PLAC1: variants seen among roughly 807,000 people sequenced by gnomAD.
PLAC1 encodes placenta-specific protein 1.
For synonymous variants in PLAC1, 68 were observed against 62.1 expected, an observed-to-expected ratio of 1.09 and a Z score of -0.44; for missense variants, 136 against 163.2, an observed-to-expected ratio of 0.83 and a Z score of 0.91.
intron 2 of PLAC1, among the ~76,000 whole-genome samples, chrX:134,570,311 G>A (rs1310486330): frequency 9.0e-6 from 1 of 111,522 alleles, no homozygotes; most frequent in Non-Finnish European, 1.9e-5. Flanking sequence ...ATGGGAAGGA[G>A]ATGCCAGAAG....
chrX:134,733,778 C>CAGA (rs2078695595), intron 1 of PLAC1: 1 of 110,665 alleles, frequency 9.0e-6, no homozygotes. Flanking sequence ...CTGGTTTGAA[C>CAGA]AGAAGGCTCA....
intron 2 of PLAC1, among the ~76,000 whole-genome samples, chrX:134,706,235 G>A (rs760608763): frequency 1.6e-4 from 18 of 112,956 alleles, no homozygotes; most frequent in Non-Finnish European, 3.2e-4. Flanking sequence ...AAGGCTGAGT[G>A]GGGAGGCTGA....
chrX:134,647,054 G>C (rs1265383576), intron 1 of PLAC1, among the ~76,000 whole-genome samples: 1 of 112,111 alleles, frequency 8.9e-6, no homozygotes, highest in Non-Finnish European at 1.9e-5. Flanking sequence ...TGGGGCCAAA[G>C]GGAGGTTGCT....
At chrX:134,761,595 G>T (rs987111048) in intron 1 of PLAC1, among the ~76,000 whole-genome samples, 3 of 112,081 alleles carry the variant, frequency 2.7e-5, no homozygotes, top group African/African-American at 6.5e-5. Context: ...CCAGAAGCTG[G>T]TAACACTGGT....
Position 134,566,759 on chromosome X carries a change from C to G in PLAC1, c.-58-19G>C. 1.3e-6 allele frequency: 1 copy of G among 779,742 alleles called. No homozygotes were observed. The allele number at this position is 779,742 out of a possible 1,213,427, so 64.3% of individuals were successfully genotyped here. A position where few individuals can be genotyped will look rare whatever the true frequency, so the allele number is the denominator to read the frequency against. On this transcript the variant is annotated intron_variant, in intron 2 of 2. Coordinates refer to ENST00000359237, the MANE Select transcript of PLAC1 (RefSeq NM_021796.4). Reference sequence around the variant, plus strand: ...AGGATTTCTAGAGCACAAAAAAACACAAGAGGCAAGTCATCTTATTTTCTA... The same window carrying G: ...AGGATTTCTAGAGCACAAAAAAACAGAAGAGGCAAGTCATCTTATTTTCTA...
At chrX:134,647,379 T>C (rs1346626819) in intron 1 of PLAC1, among the ~76,000 whole-genome samples, 2 of 108,761 alleles carry the variant, frequency 1.8e-5, no homozygotes, top group African/African-American at 3.4e-5. Context: ...GAGGGAATGT[T>C]GTGGTCTTCT....
intron 1 of PLAC1, among the ~76,000 whole-genome samples, chrX:134,641,076 C>T (rs1330316801): frequency 9.0e-6 from 1 of 111,526 alleles, no homozygotes; most frequent in Non-Finnish European, 1.9e-5. Context: ...GAGACCCCAT[C>T]TCTCCAAAAT....
At chrX:134,574,411 C>A (rs765403121) in intron 2 of PLAC1, among the ~76,000 whole-genome samples, 6 of 112,305 alleles carry the variant, frequency 5.3e-5, no homozygotes, top group Non-Finnish European at 1.1e-4. Flanking sequence ...TGGCTAACCC[C>A]TTCCCCCACT....
intron 1 of PLAC1, among the ~76,000 whole-genome samples, chrX:134,622,301 C>T (rs1346592270): frequency 8.9e-6 from 1 of 111,958 alleles, no homozygotes; most frequent in Non-Finnish European, 1.9e-5. Context: ...CCTGACTGAT[C>T]AGAAGGGTTC....
chrX:134,594,118 G>T (rs1278005966), intron 2 of PLAC1, among the ~76,000 whole-genome samples: 1 of 111,327 alleles, frequency 9.0e-6, no homozygotes, highest in Admixed American at 9.6e-5. Flanking sequence ...ATCATGAATG[G>T]ATGCTGAATT....
intron 1 of PLAC1, among the ~76,000 whole-genome samples, chrX:134,642,232 AG>A (rs2078310817): frequency 8.9e-6 from 1 of 112,038 alleles, no homozygotes; most frequent in Non-Finnish European, 1.9e-5. Context: ...ACACATTTGA[AG>A]GGATTTGATT....
chrX:134,696,931 C>T (rs375196703), intron 2 of PLAC1, among the ~76,000 whole-genome samples: 18 of 108,008 alleles, frequency 1.7e-4, no homozygotes, highest in African/African-American at 6.1e-4. Context: ...ACTCGGGAGG[C>T]TGACACAGGA....
At chrX:134,626,880 T>G (rs890500037) in intron 1 of PLAC1, among the ~76,000 whole-genome samples, 1 of 111,987 alleles carries the variant, frequency 8.9e-6, no homozygotes, top group African/African-American at 3.2e-5. Flanking sequence ...AAAATTGCCC[T>G]GTATTCAGTT....
In PLAC1 at chrX:134,649,754, G is replaced by A. The variant is rs150195146; in HGVS notation, c.-131+8574C>T. ...CAAACATGTGTTAAATAACATGGCA[G>A]ATAAGAAGTGCTGGGCCTCAGAAAA... On this transcript the variant is annotated intron_variant, in intron 1 of 2. Coordinates refer to ENST00000359237, the MANE Select transcript of PLAC1 (RefSeq NM_021796.4). Among the ~76,000 whole-genome samples the A allele has an allele frequency of 4.1e-3, 462 of 112,367 alleles. 2 individuals carry two copies. The highest frequency in any genetic ancestry group is 0.014 in the African/African-American group (435 of 30,922).
intron 1 of PLAC1, among the ~76,000 whole-genome samples, chrX:134,733,852 C>G (rs773972877): frequency 9.9e-5 from 11 of 110,622 alleles, no homozygotes; most frequent in Non-Finnish European, 1.7e-4. Context: ...ATACTGCAGG[C>G]TGTTGGCATG....
At chrX:134,660,579 A>G (rs1451451867), upstream of PLAC1, among the ~76,000 whole-genome samples, 10 of 112,263 alleles carry the variant, frequency 8.9e-5, no homozygotes, top group East Asian at 2.8e-3. Flanking sequence ...AGTGAACCAG[A>G]AGATAGAGCT....
intron 2 of PLAC1, among the ~76,000 whole-genome samples, chrX:134,725,755 G>A (rs1321265962): frequency 8.9e-6 from 1 of 112,205 alleles, no homozygotes; most frequent in East Asian, 2.8e-4. Flanking sequence ...CACTTTGGGA[G>A]GCTCAGGTGG....
intron 2 of PLAC1, among the ~76,000 whole-genome samples, chrX:134,706,811 G>C (rs967573584): frequency 2.7e-5 from 3 of 111,378 alleles, no homozygotes; most frequent in Non-Finnish European, 3.8e-5. Context: ...TAGCAAAATG[G>C]AGGAGATAGA....
intron 2 of PLAC1, among the ~76,000 whole-genome samples, chrX:134,600,532 G>A (rs1024324897): frequency 9.0e-6 from 1 of 110,722 alleles, no homozygotes; most frequent in Non-Finnish European, 1.9e-5. Flanking sequence ...ACTGACCACT[G>A]CCGTAACCAT....
Sources: gnomAD v4.1 joint callset for allele counts (sites outside exome capture counted in the v4.1 genomes callset) on GRCh38, gnomAD v4.1.1 for gene constraint, MANE v1.5 for transcripts, NCBI Gene and HGNC (gene_info 2026-07-23, HGNC 2026-07-21) for gene names.